Variants in NSG1 observed in about 807,000 individuals in gnomAD.
The protein encoded by NSG1 is neuronal vesicle trafficking-associated protein 1.
NSG1 carries 9 observed loss-of-function variants against 19.3 expected under a neutral mutation model. That is an observed-to-expected ratio of 0.47 (90% confidence interval 0.28 to 0.81). The LOEUF (loss-of-function observed/expected upper bound fraction) is 0.81, where lower values mean the gene tolerates loss of function less well. Among genes scored for constraint, NSG1 ranks in the 40% least tolerant of loss-of-function variants. The probability of loss-of-function intolerance (pLI) is 0.11; values close to 1 mark genes in which losing one functional copy is unlikely to be tolerated. For missense variants in NSG1, 236 were observed against 242.4 expected (o/e 0.97, Z 0.18); for synonymous variants, 104 against 107.0 (o/e 0.97, Z 0.17).
chr4:4,416,671 C>G (rs557699851), intron 4 of NSG1, among the ~76,000 whole-genome samples: 2 of 152,098 alleles, frequency 1.3e-5, no homozygotes. Context: ...CCCCAACCCA[C>G]GGCCCCTCCC....
At position 4,387,586 on chromosome 4, in the gene NSG1, C is replaced by T. The variant is rs368652293; in HGVS notation, c.-26-18C>T. The stretch of plus-strand genomic sequence containing the variant: ...CGGGTCTTGCTTGTGGTGACTCCCC[C>T]CGGCCCTCCCGCCGCAGGCTGCAGC... On this transcript the variant is annotated intron_variant, in intron 1 of 4. Transcript: ENST00000621129. 1.0e-4 allele frequency: 162 copies of T among 1,588,196 alleles called. No homozygotes were observed. In the African/African-American group the frequency reaches 1.9e-3, roughly 18 times the overall value.
chr4:4,387,561 C>CCGGGGGTGGGGGTG, intron 1 of NSG1, 43 bp from the exon 2 acceptor site: 6 of 1,141,986 alleles, frequency 5.3e-6, no homozygotes, highest in African/African-American at 1.6e-5. Context: ...CGCCCCGCCC[C>CCGGGGGTGGGGGTG]GGGTCTTGCT....
intron 3 of NSG1, among the ~76,000 whole-genome samples, chr4:4,399,009 G>A (rs4493481): frequency 0.63 from 96,108 of 152,068 alleles, 33,993 homozygotes; most frequent in East Asian, 0.94. Flanking sequence ...ATCTCATTAT[G>A]GTTTTGATTT....
intron 3 of NSG1, among the ~76,000 whole-genome samples, chr4:4,399,916 G>C (rs1337584055): frequency 6.6e-6 from 1 of 152,218 alleles, no homozygotes; most frequent in African/African-American, 2.4e-5. Context: ...TGATCTGACA[G>C]GAGACAGAGC....
At chr4:4,408,387 C>A (rs970823857) in intron 3 of NSG1, among the ~76,000 whole-genome samples, 2 of 152,190 alleles carry the variant, frequency 1.3e-5, no homozygotes, top group African/African-American at 4.8e-5. Context: ...TCCTCCCACC[C>A]GGCCAGGGAG....
At chr4:4,415,200 C>T (rs1724455792) in intron 4 of NSG1, among the ~76,000 whole-genome samples, 1 of 152,156 alleles carries the variant, frequency 6.6e-6, no homozygotes, top group Non-Finnish European at 1.5e-5. Flanking sequence ...TGAGCCATCG[C>T]ACCCGGACCT....
intron 1 of NSG1, 43 bp from the exon 2 acceptor site, chr4:4,387,561 C>CGGGGGGGGGTG: frequency 3.5e-6 from 4 of 1,141,980 alleles, no homozygotes; most frequent in East Asian, 2.7e-5. Flanking sequence ...CGCCCCGCCC[C>CGGGGGGGGGTG]GGGTCTTGCT....
intron 3 of NSG1, 43 bp from the exon 4 acceptor site, chr4:4,409,530 G>A: frequency 6.9e-7 from 1 of 1,457,836 alleles, no homozygotes; most frequent in Non-Finnish European, 9.6e-7. Flanking sequence ...TGTCTGTCCT[G>A]CTGCCTTCCG....
chr4:4,402,368 G>GTTTTTTGTTTTT (rs1560143233), intron 3 of NSG1, among the ~76,000 whole-genome samples: 1 of 99,604 alleles, frequency 1.0e-5, no homozygotes, highest in African/African-American at 4.2e-5. Flanking sequence ...ACCACGCCTG[G>GTTTTTTGTTTTT]TTATTTTTTT....
At chr4:4,409,510 G>T (rs1343800784) in intron 3 of NSG1, 63 bp from the exon 4 acceptor site, 6 of 1,208,286 alleles carry the variant, frequency 5.0e-6, no homozygotes, top group Non-Finnish European at 7.4e-6. Context: ...TTCGTGTGCG[G>T]GTGTGTGTGT....
At chr4:4,413,931 T>TA (rs1454093145) in intron 4 of NSG1, among the ~76,000 whole-genome samples, 2 of 151,746 alleles carry the variant, frequency 1.3e-5, no homozygotes, top group Admixed American at 6.6e-5. Context: ...CAGAGCTAGT[T>TA]ACTGAGGGAG....
At chr4:4,397,323 C>A (rs60929365) in intron 3 of NSG1, among the ~76,000 whole-genome samples, 10,709 of 152,166 alleles carry the variant, frequency 0.07, 1,229 homozygotes, top group African/African-American at 0.24. Flanking sequence ...TGTCTCGTTC[C>A]CTGTTAGTCT....
chr4:4,396,545 CCCT>C (rs1723258675), intron 3 of NSG1, among the ~76,000 whole-genome samples: 1 of 152,186 alleles, frequency 6.6e-6, no homozygotes, highest in Non-Finnish European at 1.5e-5. Flanking sequence ...GGCAGGAGAG[CCCT>C]CGTTAGTCTG....
At chr4:4,415,008 A>G (rs1370657517) in intron 4 of NSG1, among the ~76,000 whole-genome samples, 1 of 152,220 alleles carries the variant, frequency 6.6e-6, no homozygotes, top group Non-Finnish European at 1.5e-5. Flanking sequence ...AGTTTTAAAC[A>G]TAATGGGGAA....
intron 3 of NSG1, among the ~76,000 whole-genome samples, chr4:4,403,558 C>T (rs926634962): frequency 6.6e-6 from 1 of 152,216 alleles, no homozygotes; most frequent in South Asian, 2.1e-4. Context: ...ACCTTTAGAG[C>T]CCACCTAATC....
intron 3 of NSG1, among the ~76,000 whole-genome samples, chr4:4,406,317 A>T (rs4989960): frequency 0.18 from 27,896 of 152,074 alleles, 2,959 homozygotes; most frequent in African/African-American, 0.29. Flanking sequence ...GTGAGCCACC[A>T]CGTCTGCCCC....
chr4:4,412,422 G>A (rs1454192868), intron 4 of NSG1, among the ~76,000 whole-genome samples: 1 of 151,604 alleles, frequency 6.6e-6, no homozygotes, highest in African/African-American at 2.4e-5. Flanking sequence ...GGAATTGAGA[G>A]TCCCCTGATA....
intron 3 of NSG1, among the ~76,000 whole-genome samples, chr4:4,399,268 G>C (rs1269146071): frequency 6.6e-6 from 1 of 152,068 alleles, no homozygotes; most frequent in Non-Finnish European, 1.5e-5. Context: ...TCAGCCCCTG[G>C]AGTAGCTGGG....
At chr4:4,393,814 C>A (rs1300571108) in intron 3 of NSG1, among the ~76,000 whole-genome samples, 1 of 152,106 alleles carries the variant, frequency 6.6e-6, no homozygotes, top group Non-Finnish European at 1.5e-5. Context: ...CATCCCTCCC[C>A]ACTCCCATGG....
Sources: gnomAD v4.1 joint callset for allele counts (sites outside exome capture counted in the v4.1 genomes callset) on GRCh38, gnomAD v4.1.1 for gene constraint, MANE v1.5 for transcripts, NCBI Gene and HGNC (gene_info 2026-07-23, HGNC 2026-07-21) for gene names.